The following EMSY variants were observed in gnomAD, a reference collection of about 807,000 sequenced individuals.
EMSY encodes the protein BRCA2-interacting transcriptional repressor EMSY.
EMSY carries 26 observed loss-of-function variants against 134.6 expected under a neutral mutation model. The observed-to-expected ratio is 0.19, with a 90% CI of 0.14 to 0.27. The LOEUF (loss-of-function observed/expected upper bound fraction) is 0.27. Ranked by LOEUF, EMSY falls within the 10% of genes least tolerant of loss-of-function variation. The probability of loss-of-function intolerance (pLI) is 1.00; values close to 1 mark genes in which losing one functional copy is unlikely to be tolerated. For missense variants in EMSY, 1,305 were observed against 1,611.4 expected (o/e 0.81, Z 3.26); for synonymous variants, 579 against 577.8 (o/e 1.00, Z -0.03).
chr11:76,511,390 T>C (rs567376557), intron 9 of EMSY, among the ~76,000 whole-genome samples: 1 of 152,308 alleles, frequency 6.6e-6, no homozygotes, highest in East Asian at 1.9e-4. Context: ...GAAGCTCCTT[T>C]TTATATGTGC....
intron 2 of EMSY, among the ~76,000 whole-genome samples, chr11:76,449,773 A>T (rs1242005830): frequency 6.6e-6 from 1 of 152,210 alleles, no homozygotes; most frequent in African/African-American, 2.4e-5. Context: ...GTGTGAACTA[A>T]AATCTTTAAA....
chr11:76,483,601 T>A (rs1949065992), intron 8 of EMSY, among the ~76,000 whole-genome samples: 1 of 152,106 alleles, frequency 6.6e-6, no homozygotes, highest in Non-Finnish European at 1.5e-5. Context: ...AGGATTGCAA[T>A]CCTAGTATCT....
At chr11:76,526,278 G>C (rs1046318806) in intron 12 of EMSY, among the ~76,000 whole-genome samples, 184 bp from the exon 14 acceptor site, 35 of 152,232 alleles carry the variant, frequency 2.3e-4, no homozygotes, top group African/African-American at 7.7e-4. Context: ...AAGTTGGTCA[G>C]ATGACTTTCT....
intron 9 of EMSY, among the ~76,000 whole-genome samples, chr11:76,499,522 C>T (rs1323075173): frequency 2.6e-5 from 4 of 151,056 alleles, no homozygotes; most frequent in South Asian, 4.2e-4. Context: ...CTCCTGACCT[C>T]GTGATCCGCC....
At chr11:76,494,857 T>C (rs898071197) in intron 8 of EMSY, among the ~76,000 whole-genome samples, 38 of 152,112 alleles carry the variant, frequency 2.5e-4, no homozygotes, top group African/African-American at 8.7e-4. Context: ...TGCCTCACCT[T>C]CCCGAGTAGC....
At chr11:76,530,675 C>T (rs1427454857) in intron 14 of EMSY, among the ~76,000 whole-genome samples, 1 of 152,112 alleles carries the variant, frequency 6.6e-6, no homozygotes, top group Non-Finnish European at 1.5e-5. Context: ...GACTGTAAGG[C>T]AGATTTTTAT....
At chr11:76,509,849 T>C (rs1485605088) in intron 9 of EMSY, among the ~76,000 whole-genome samples, 3 of 152,236 alleles carry the variant, frequency 2.0e-5, no homozygotes, top group Non-Finnish European at 4.4e-5. Context: ...AGTTATTCAC[T>C]CTAACTTTTT....
intron 18 of EMSY, among the ~76,000 whole-genome samples, chr11:76,542,961 T>A (rs1168149823): frequency 6.6e-6 from 1 of 152,194 alleles, no homozygotes; most frequent in African/African-American, 2.4e-5. Context: ...AGGTTGATTT[T>A]GTGTCGGATA....
At chr11:76,479,922 C>G (rs1948905156) in intron 8 of EMSY, among the ~76,000 whole-genome samples, 1 of 152,136 alleles carries the variant, frequency 6.6e-6, no homozygotes, top group Non-Finnish European at 1.5e-5. Flanking sequence ...ATGAAACAAG[C>G]AAAGATCTAT....
At chr11:76,539,292 G>A (rs1463813962) in intron 16 of EMSY, among the ~76,000 whole-genome samples, 1 of 152,160 alleles carries the variant, frequency 6.6e-6, no homozygotes, top group Non-Finnish European at 1.5e-5. Flanking sequence ...TTCTTTAGCA[G>A]TGGTTAAAGG....
chr11:76,536,010 A>G (rs369618028), exon 15 of EMSY: 41 of 1,598,558 alleles, frequency 2.6e-5, no homozygotes, highest in Non-Finnish European at 3.3e-5. Flanking sequence ...GTGAATCACA[A>G]TCAGCTACTT....
chr11:76,492,591 G>A (rs1001828957), intron 8 of EMSY, among the ~76,000 whole-genome samples: 10 of 152,196 alleles, frequency 6.6e-5, no homozygotes, highest in South Asian at 2.1e-4. Context: ...TGATGGCAGC[G>A]GTGGCCCATC....
intron 9 of EMSY, among the ~76,000 whole-genome samples, chr11:76,509,920 G>A (rs1490344889): frequency 1.3e-5 from 2 of 152,220 alleles, no homozygotes; most frequent in African/African-American, 4.8e-5. Flanking sequence ...TAGACCAGGT[G>A]CAGTGGCTCA....
chr11:76,455,408 C>T lies in EMSY; in HGVS notation c.245+2020C>T, dbSNP rs901042126. ...GTGAGGAAGGAATAGATCTCTCATT[C>T]TTTCCATCTCCTCTGCCCTCTTCCC... On this transcript the variant is annotated intron_variant, in intron 4 of 20. Coordinates refer to ENST00000334736, the Ensembl canonical transcript of EMSY. Among the ~76,000 whole-genome samples, 3 of 152,078 alleles carry T rather than the reference C, an allele frequency of 2.0e-5. No homozygotes were observed. In the East Asian group the frequency reaches 5.8e-4, roughly 29 times the overall value.
At chr11:76,475,956 C>T (rs1019688691) in intron 8 of EMSY, among the ~76,000 whole-genome samples, 1 of 152,218 alleles carries the variant, frequency 6.6e-6, no homozygotes, top group Non-Finnish European at 1.5e-5. Flanking sequence ...GTCCACACTG[C>T]ATTAATTGAT....
chr11:76,472,432 G>T, intron 7 of EMSY, 132 bp from the exon 9 acceptor site: 1 of 818,682 alleles, frequency 1.2e-6, no homozygotes, highest in Non-Finnish European at 1.8e-6. Context: ...TATATTTTTA[G>T]TTGTATATTC....
chr11:76,538,019 T>C, intron 16 of EMSY, 69 bp downstream of exon 17: 1 of 1,328,638 alleles, frequency 7.5e-7, no homozygotes, highest in Non-Finnish European at 1.0e-6. Context: ...GGGATGATTG[T>C]GTGGGGGAGA....
intron 7 of EMSY, among the ~76,000 whole-genome samples, chr11:76,471,596 GA>G (rs2135338564): frequency 1.3e-5 from 2 of 151,998 alleles, no homozygotes; most frequent in South Asian, 4.2e-4. Flanking sequence ...CAATTTTGAG[GA>G]GTACTGGTCA....
chr11:76,524,731 A>G (rs977011388), intron 12 of EMSY, among the ~76,000 whole-genome samples: 1 of 152,136 alleles, frequency 6.6e-6, no homozygotes, highest in African/African-American at 2.4e-5. Flanking sequence ...AACGTATAAG[A>G]CCGTTTTCTG....
Sources: gnomAD v4.1 joint callset for allele counts (sites outside exome capture counted in the v4.1 genomes callset) on GRCh38, gnomAD v4.1.1 for gene constraint, MANE v1.5 for transcripts, NCBI Gene and HGNC (gene_info 2026-07-23, HGNC 2026-07-21) for gene names.